The following HAS2 variants were observed in gnomAD, a reference collection of about 807,000 sequenced individuals.
HAS2 encodes hyaluronan synthase 2.
Under a neutral mutation model 51.6 loss-of-function variants are expected in HAS2, and 16 were observed. That is an observed-to-expected ratio of 0.31 (90% CI 0.21 to 0.47). The LOEUF is 0.47. Among genes scored for constraint, HAS2 ranks in the 20% least tolerant of loss-of-function variants. The pLI, the probability that HAS2 is intolerant of heterozygous loss-of-function variation, is 1.00. For synonymous variants in HAS2, 228 were observed against 235.5 expected, an observed-to-expected ratio of 0.97 and a Z score of 0.29; for missense variants, 361 against 662.6, an observed-to-expected ratio of 0.54 and a Z score of 5.00.
intron 2 of HAS2, among the ~76,000 whole-genome samples, chr8:121,621,202 G>C (rs1349293858): frequency 6.6e-6 from 1 of 152,196 alleles, no homozygotes; most frequent in African/African-American, 2.4e-5. Flanking sequence ...GATTAAATAT[G>C]TTTGAAGCCC....
chr8:121,639,155 A>G (rs1438918777), intron 1 of HAS2: 1 of 152,250 alleles, frequency 6.6e-6, no homozygotes, highest in East Asian at 1.9e-4. Context: ...AGCAAAGCCC[A>G]TCTACCAACT....
intron 1 of HAS2, among the ~76,000 whole-genome samples, chr8:121,636,084 T>G (rs1465977518): frequency 6.6e-6 from 1 of 152,232 alleles, no homozygotes; most frequent in East Asian, 1.9e-4. Context: ...AATTTACTGA[T>G]CTGTGGCTCC....
At chr8:121,626,247 T>A (rs1319422660) in intron 2 of HAS2, among the ~76,000 whole-genome samples, 1 of 152,190 alleles carries the variant, frequency 6.6e-6, no homozygotes, top group Non-Finnish European at 1.5e-5. Flanking sequence ...GGAGGCAAGG[T>A]CATCTGTTAG....
In HAS2 at chr8:121,616,090, C is replaced by T. The variant is rs1001503814; in HGVS notation, c.729+1015G>A. On this transcript the variant is annotated intron_variant, in intron 3 of 3. Transcript: ENST00000303924. ...AGTCTATTTTCCATGTGCTTTCTTA[C>T]CTTTTGCTAAAATCTAACCTCATAT... Among the ~76,000 whole-genome samples, 4 of 152,210 alleles carry T rather than the reference C, an allele frequency of 2.6e-5. No homozygotes were observed. In the South Asian group the frequency reaches 8.3e-4, roughly 32 times the overall value.
chr8:121,617,065 T>C lies in HAS2; in HGVS notation c.729+40A>G, dbSNP rs1262885008. ...ATGAGTAAAAGTGCTCTTAAAAGTATTTCATGCAAAACAAACAAACAAAAA... is the reference window on the plus strand; with the variant it reads ...ATGAGTAAAAGTGCTCTTAAAAGTACTTCATGCAAAACAAACAAACAAAAA... On this transcript the variant is annotated intron_variant, in intron 3 of 3. Transcript: ENST00000303924. The C allele has an allele frequency of 6.4e-6, 7 of 1,099,368 alleles. No individual in the cohort carries two copies. The East Asian group carries it at 1.2e-4, about 18-fold the overall frequency. The allele number at this position is 1,099,368 out of a possible 1,614,324, so 68.1% of individuals were successfully genotyped here. A position where few individuals can be genotyped will look rare whatever the true frequency, so the allele number is the denominator to read the frequency against.
At chr8:121,628,063 A>C (rs1812877491) in intron 2 of HAS2, among the ~76,000 whole-genome samples, 1 of 152,202 alleles carries the variant, frequency 6.6e-6, no homozygotes, top group Admixed American at 6.5e-5. Flanking sequence ...TCATGCAGGC[A>C]AACACCATCA....
chr8:121,630,981 A>G (rs1812922714), intron 1 of HAS2, among the ~76,000 whole-genome samples: 1 of 152,344 alleles, frequency 6.6e-6, no homozygotes, highest in Middle Eastern at 3.4e-3. Flanking sequence ...CTTCCTGAGC[A>G]TAGACTTGGT....
chr8:121,632,513 T>C (rs1393311163), intron 1 of HAS2, among the ~76,000 whole-genome samples: 3 of 152,186 alleles, frequency 2.0e-5, no homozygotes, highest in South Asian at 4.1e-4. Flanking sequence ...GCCTACTAAT[T>C]GATACCAAAT....
At chr8:121,627,948 A>C (rs1812876242) in intron 2 of HAS2, among the ~76,000 whole-genome samples, 1 of 152,134 alleles carries the variant, frequency 6.6e-6, no homozygotes, top group African/African-American at 2.4e-5. Flanking sequence ...ACTCACAGGG[A>C]CCCTACTAAT....
rs372232676 is a variant in HAS2 at position 121,614,093 on chromosome 8, G to A, written c.*16C>T. 8 of 1,613,698 alleles carry A rather than the reference G, an allele frequency of 5.0e-6. No homozygotes were observed. The Admixed American group carries it at 8.3e-5, about 17-fold the overall frequency. On this transcript the variant is annotated 3_prime_UTR_variant, in exon 4 of 4. Coordinates refer to ENST00000303924, the MANE Select transcript of HAS2 (RefSeq NM_005328.3). This position sits in a 1 kb window ranked among gnomAD's most constrained non-coding sequence, Gnocchi z 7.2. ...TAAGGTGTTGTGTGTGACTGCAAAC[G>A]TCAAAACATGGAAGATCATACATCA...
intron 2 of HAS2, among the ~76,000 whole-genome samples, chr8:121,627,649 A>T (rs1358082095): frequency 6.6e-6 from 1 of 152,180 alleles, no homozygotes; most frequent in Non-Finnish European, 1.5e-5. Flanking sequence ...GGTCTTGCCC[A>T]CGGTCAACCA....
chr8:121,614,098 A>C lies in HAS2; in HGVS notation c.*11T>G, dbSNP rs1427729385. Reference sequence around the variant, plus strand: ...TGTTGTGTGTGACTGCAAACGTCAAAACATGGAAGATCATACATCAAGCAC... The same window carrying C: ...TGTTGTGTGTGACTGCAAACGTCAACACATGGAAGATCATACATCAAGCAC... On this transcript the variant is annotated 3_prime_UTR_variant, in exon 4 of 4. Transcript: ENST00000303924. This position sits in a 1 kb window ranked among gnomAD's most constrained non-coding sequence, Gnocchi z 7.2. 6.2e-7 allele frequency: 1 copy of C among 1,614,064 alleles called. No homozygotes were observed. The highest frequency in any genetic ancestry group is 1.3e-5 in the African/African-American group (1 of 75,048).
intron 1 of HAS2, among the ~76,000 whole-genome samples, chr8:121,639,107 G>T (rs1813051592): frequency 6.6e-6 from 1 of 152,214 alleles, no homozygotes; most frequent in African/African-American, 2.4e-5. Context: ...AATGAGCAGT[G>T]AAGTTGTCTC....
intron 1 of HAS2, among the ~76,000 whole-genome samples, chr8:121,637,390 C>CT (rs397728062): frequency 0.19 from 24,794 of 130,470 alleles, 2,902 homozygotes; most frequent in Middle Eastern, 0.29. Context: ...TCAAAATAGA[C>CT]TTTTTTTTTT....
Position 121,612,637 on chromosome 8 carries a change from AG to A in HAS2, c.*1471del, listed in dbSNP as rs905530890. 1.1e-4 allele frequency: 16 copies of A among 152,328 alleles called. No individual in the cohort carries two copies. Among genetic ancestry groups the A allele is most frequent in the African/African-American group, 3.8e-4 (16 of 41,588 alleles). 9.4% of individuals were successfully genotyped at this position (152,328 alleles called of 1,614,324 possible). A position where few individuals can be genotyped will look rare whatever the true frequency, so the allele number is the denominator to read the frequency against. On this transcript the variant is annotated 3_prime_UTR_variant, in exon 4 of 4. Transcript: ENST00000303924. The stretch of plus-strand genomic sequence containing the variant: ...TGTAAAAAATAAAACTGGATAATGG[AG>A]GCCTTGCAGTAACTAAATTAGCCAA...
chr8:121,629,678 G>A (rs1812903028), intron 1 of HAS2, among the ~76,000 whole-genome samples: 1 of 152,076 alleles, frequency 6.6e-6, no homozygotes, highest in East Asian at 1.9e-4. Context: ...TATATATGTG[G>A]TCATAGCCAG....
intron 1 of HAS2, among the ~76,000 whole-genome samples, chr8:121,640,434 T>C (rs1813077858): frequency 6.6e-6 from 1 of 151,432 alleles, no homozygotes; most frequent in Non-Finnish European, 1.5e-5. Context: ...TGTGTGTGTG[T>C]GTGTGTGTGT....
At chr8:121,639,477 G>C (rs58818447) in intron 1 of HAS2, 9,430 of 152,860 alleles carry the variant, frequency 0.062, 1,002 homozygotes, top group African/African-American at 0.21. Flanking sequence ...AGAGGCGCGC[G>C]GTGTCCTTGA....
At chr8:121,629,735 A>G (rs533048785) in intron 1 of HAS2, among the ~76,000 whole-genome samples, 12 of 152,326 alleles carry the variant, frequency 7.9e-5, no homozygotes, top group Non-Finnish European at 1.3e-4. Flanking sequence ...ATTCTTCTAT[A>G]TAGTCCCCTC....
Sources: allele counts gnomAD v4.1 joint callset (sites outside exome capture counted in the v4.1 genomes callset), GRCh38; gene constraint gnomAD v4.1.1; non-coding constraint Gnocchi (gnomAD v3.1); transcripts MANE v1.5; gene names NCBI Gene and HGNC (gene_info 2026-07-23, HGNC 2026-07-21).